PMF1: variants seen among roughly 807,000 people sequenced by gnomAD.
The protein encoded by PMF1 is polyamine-modulated factor 1.
PMF1 carries 21 observed loss-of-function variants against 26.7 expected under a neutral mutation model. The ratio of observed to expected loss-of-function variants is 0.79; its 90% CI spans 0.56 to 1.13. The LOEUF is 1.13. PMF1 is among the 50% of genes most tolerant of loss of function. The probability of loss-of-function intolerance (pLI) is 0.00; values close to 1 mark genes in which losing one functional copy is unlikely to be tolerated. For synonymous variants in PMF1, 105 were observed against 101.0 expected (o/e 1.04, Z -0.24); for missense variants, 266 against 254.9 (o/e 1.04, Z -0.30).
chr1:156,214,820 T>C (rs1434936553), intron 1 of PMF1, among the ~76,000 whole-genome samples: 1 of 151,506 alleles, frequency 6.6e-6, no homozygotes, highest in Non-Finnish European at 1.5e-5. Flanking sequence ...CATTCTGAGA[T>C]GGCATTTCAG....
Position 156,236,372 on chromosome 1 carries a change from T to C in PMF1, c.453T>C (p.His151=). Residue 151 remains histidine, a synonymous_variant, in exon 4 of 5, where the codon CAT becomes CAC. Transcript: ENST00000368277. ...AGCAACGGGACACCCTGCGGCGCCATGTGCAGAAACAGGAGGCCGAGAACC... is the reference window on the plus strand; with the variant it reads ...AGCAACGGGACACCCTGCGGCGCCACGTGCAGAAACAGGAGGCCGAGAACC... The part of the protein sequence containing the change: ...FLQQRDTLRR[H]VQKQEAENQQ... The C allele has an allele frequency of 1.9e-6, 3 of 1,614,194 alleles. No individual in the cohort carries two copies. The highest frequency in any genetic ancestry group is 1.1e-5 in the South Asian group (1 of 91,082).
Position 156,239,563 on chromosome 1 carries a change from C to T in PMF1, c.580C>T (p.Gln194Ter). ...TTGATTTCAGGCTCTACACAGAGAACAGAGGGAGCTGGTTGCTGTGCTGAG... is the reference window on the plus strand; with the variant it reads ...TTGATTTCAGGCTCTACACAGAGAATAGAGGGAGCTGGTTGCTGTGCTGAG... ...QQAWQALHREQRELVAVLREP... is the reference protein window; with the variant it reads ...QQAWQALHRE Residue 194 changes from glutamine to a stop codon, truncating the protein, a stop_gained, in exon 5 of 5, where the codon CAG becomes TAG. Coordinates refer to ENST00000368277, the MANE Select transcript of PMF1 (RefSeq NM_007221.4). LOFTEE classifies it high-confidence loss of function. 1 of 1,613,178 alleles carries T rather than the reference C, an allele frequency of 6.2e-7. No individual in the cohort carries two copies. Among genetic ancestry groups the T allele is most frequent in the Non-Finnish European group, 8.5e-7 (1 of 1,179,868 alleles).
chr1:156,219,194 C>T (rs1657944617), intron 1 of PMF1, among the ~76,000 whole-genome samples: 1 of 152,148 alleles, frequency 6.6e-6, no homozygotes, highest in African/African-American at 2.4e-5. Flanking sequence ...GCTGGGATTA[C>T]AGGTGTGAGC....
chr1:156,214,152 G>A (rs995188731), intron 1 of PMF1, among the ~76,000 whole-genome samples: 3 of 152,114 alleles, frequency 2.0e-5, no homozygotes, highest in Non-Finnish European at 4.4e-5. Flanking sequence ...CTGACCTCGT[G>A]ATCCACCCAC....
intron 1 of PMF1, among the ~76,000 whole-genome samples, chr1:156,221,900 G>A (rs765346480): frequency 6.6e-6 from 1 of 152,012 alleles, no homozygotes; most frequent in Admixed American, 6.6e-5. Flanking sequence ...TCTCGCCTCC[G>A]ACTCCTCCTT....
At chr1:156,215,958 A>T (rs1657674043) in intron 1 of PMF1, among the ~76,000 whole-genome samples, 1 of 152,152 alleles carries the variant, frequency 6.6e-6, no homozygotes, top group African/African-American at 2.4e-5. Context: ...TATTTATAAC[A>T]CAAATATTTA....
intron 3 of PMF1, among the ~76,000 whole-genome samples, chr1:156,234,458 T>G (rs1015377733): frequency 4.6e-5 from 7 of 152,032 alleles, no homozygotes; most frequent in Middle Eastern, 3.2e-3. Flanking sequence ...TTTTTATACA[T>G]TTGTTCATTC....
intron 1 of PMF1, chr1:156,223,388 G>C (rs190995256): frequency 6.6e-6 from 1 of 152,228 alleles, no homozygotes; most frequent in East Asian, 1.9e-4. Flanking sequence ...CCACACTCCA[G>C]ACTCTGTGTC....
chr1:156,226,511 T>C (rs1648202304), intron 1 of PMF1, among the ~76,000 whole-genome samples: 2 of 152,240 alleles, frequency 1.3e-5, no homozygotes, highest in Admixed American at 1.3e-4. Flanking sequence ...GGGAGGAGAC[T>C]TCCCAGCTCT....
At chr1:156,225,590 TC>T (rs1658326357) in intron 1 of PMF1, 2 of 1,559,530 alleles carry the variant, frequency 1.3e-6, no homozygotes, top group East Asian at 2.4e-5. Context: ...GAAGTGCTGG[TC>T]CCCGCCTGCC....
chr1:156,226,470 A>G (rs1388753982), intron 1 of PMF1, among the ~76,000 whole-genome samples: 1 of 152,242 alleles, frequency 6.6e-6, no homozygotes, highest in Non-Finnish European at 1.5e-5. Flanking sequence ...ATTGCACACA[A>G]GCCTCATTCA....
rs560824928 is a variant in PMF1 at position 156,230,948 on chromosome 1, G to C, written c.162-1372G>C. On this transcript the variant is annotated intron_variant, in intron 1 of 4. Coordinates refer to ENST00000368277, the MANE Select transcript of PMF1 (RefSeq NM_007221.4). ...TTAGCTGGTCATGGCAGGCACGGTGGCTCATGCCTGTAATGCCAGCACTTT... is the reference window on the plus strand; with the variant it reads ...TTAGCTGGTCATGGCAGGCACGGTGCCTCATGCCTGTAATGCCAGCACTTT... 4.6e-5 allele frequency among the ~76,000 whole-genome samples: 7 copies of C among 152,094 alleles called. No homozygotes were observed. The East Asian group carries it at 1.4e-3, about 29-fold the overall frequency.
rs146553492 is a variant in PMF1 at position 156,238,790 on chromosome 1, T to C, written c.565-758T>C. On this transcript the variant is annotated intron_variant, in intron 4 of 4. Transcript: ENST00000368277. Reference sequence around the variant, plus strand: ...ACAAGTGGAAGGCCGGCAGCCGCTCTGCTCCCTACTGTCCCCACTCCCTCT... The same window carrying C: ...ACAAGTGGAAGGCCGGCAGCCGCTCCGCTCCCTACTGTCCCCACTCCCTCT... Among the ~76,000 whole-genome samples, 78 of 152,304 alleles carry C rather than the reference T, an allele frequency of 5.1e-4. No individual in the cohort carries two copies. In the East Asian group the frequency reaches 8.5e-3, roughly 17 times the overall value.
chr1:156,226,799 A>G (rs1024182117), intron 1 of PMF1, among the ~76,000 whole-genome samples: 2 of 152,240 alleles, frequency 1.3e-5, no homozygotes, highest in African/African-American at 2.4e-5. Context: ...ATTTGAATCC[A>G]GGGAAAATGA....
intron 1 of PMF1, among the ~76,000 whole-genome samples, chr1:156,215,791 C>T (rs1232431962): frequency 2.6e-5 from 4 of 151,984 alleles, no homozygotes; most frequent in Admixed American, 6.6e-5. Flanking sequence ...TGGGTTCAAG[C>T]GATTCTCCTG....
chr1:156,232,563 G>A, intron 2 of PMF1, 138 bp downstream of exon 2: 1 of 703,156 alleles, frequency 1.4e-6, no homozygotes, highest in Non-Finnish European at 2.4e-6. Flanking sequence ...CCAGCAGGCT[G>A]CAGCATCCAT....
At chr1:156,218,833 TA>T (rs1558189565) in intron 1 of PMF1, among the ~76,000 whole-genome samples, 1 of 152,158 alleles carries the variant, frequency 6.6e-6, no homozygotes, top group African/African-American at 2.4e-5. Flanking sequence ...CGTTTTTTTT[TA>T]ATCCTAATTT....
At chr1:156,227,499 AT>A (rs200827793) in intron 1 of PMF1, among the ~76,000 whole-genome samples, 6,158 of 92,818 alleles carry the variant, frequency 0.066, 442 homozygotes, top group African/African-American at 0.2. Context: ...ATTTTATTTT[AT>A]TTTATTTTTT....
chr1:156,214,729 C>T (rs1339532310), intron 1 of PMF1, among the ~76,000 whole-genome samples: 1 of 149,716 alleles, frequency 6.7e-6, no homozygotes, highest in Non-Finnish European at 1.5e-5. Context: ...GGTGACAGAG[C>T]AAGACCCTGC....
Sources: gnomAD v4.1 joint callset for allele counts (sites outside exome capture counted in the v4.1 genomes callset) on GRCh38, gnomAD v4.1.1 for gene constraint, MANE v1.5 for transcripts, NCBI Gene and HGNC (gene_info 2026-07-23, HGNC 2026-07-21) for gene names.